Variants in SNTB1 observed in about 807,000 individuals in gnomAD.
SNTB1 encodes syntrophin beta 1, also known as beta-1-syntrophin.
SNTB1 carries 36 observed loss-of-function variants against 48.9 expected under a neutral mutation model. The observed-to-expected ratio is 0.74, with a 90% CI of 0.56 to 0.97. SNTB1 has a LOEUF of 0.97. SNTB1 is among the 50% of genes least tolerant of loss of function. The pLI, the probability that SNTB1 is intolerant of heterozygous loss-of-function variation, is 0.00. For missense variants in SNTB1, 786 were observed against 703.4 expected (o/e 1.12, Z -1.33); for synonymous variants, 299 against 294.6 (o/e 1.01, Z -0.15).
intron 3 of SNTB1, among the ~76,000 whole-genome samples, chr8:120,585,815 C>T (rs748927405): frequency 6.6e-6 from 1 of 152,180 alleles, no homozygotes; most frequent in African/African-American, 2.4e-5. Context: ...ATGTAATATG[C>T]TGTGCAGTTT....
intron 3 of SNTB1, among the ~76,000 whole-genome samples, chr8:120,592,334 C>T (rs1201364719): frequency 6.6e-6 from 1 of 151,908 alleles, no homozygotes; most frequent in Non-Finnish European, 1.5e-5. Flanking sequence ...TGTGTGCCAC[C>T]ACACCAGGAT....
intron 1 of SNTB1, among the ~76,000 whole-genome samples, chr8:120,749,486 C>T (rs1326291367): frequency 1.3e-5 from 2 of 152,056 alleles, no homozygotes; most frequent in African/African-American, 2.4e-5. Context: ...ATATACTCTG[C>T]ATAAACCACT....
In SNTB1 at chr8:120,738,699, GC is replaced by G. The variant is rs1453016359; in HGVS notation, c.572-44792del. On this transcript the variant is annotated intron_variant, in intron 1 of 6. Coordinates refer to ENST00000517992, the MANE Select transcript of SNTB1 (RefSeq NM_021021.4). ...AAAACCTCAAAACAAGTACTTTAAA[GC>G]TGAGAAGAAAATGCACATAAAAGTC... is the stretch of plus-strand genomic sequence containing the variant. Among the ~76,000 whole-genome samples the G allele has an allele frequency of 3.9e-5, 6 of 152,190 alleles. No individual in the cohort carries two copies. The East Asian group carries it at 1.2e-3, about 29-fold the overall frequency.
intron 2 of SNTB1, among the ~76,000 whole-genome samples, chr8:120,634,852 ATT>A (rs11347235): frequency 1.1e-4 from 16 of 139,184 alleles, no homozygotes; most frequent in Admixed American, 7.2e-5. Context: ...ATTAGTATTC[ATT>A]TTTTTTTTTT....
At chr8:120,749,283 T>C (rs895597691) in intron 1 of SNTB1, among the ~76,000 whole-genome samples, 1 of 152,086 alleles carries the variant, frequency 6.6e-6, no homozygotes, top group African/African-American at 2.4e-5. Context: ...TTGCAGGAGG[T>C]AGTAAAAAGG....
chr8:120,643,595 T>G (rs529510159), intron 2 of SNTB1, among the ~76,000 whole-genome samples: 22 of 152,376 alleles, frequency 1.4e-4, no homozygotes, highest in African/African-American at 5.3e-4. Flanking sequence ...AATGCCATTA[T>G]TTTTTCTTTT....
chr8:120,764,851 C>T (rs557646517), intron 1 of SNTB1, among the ~76,000 whole-genome samples: 153 of 152,252 alleles, frequency 1.0e-3, no homozygotes, highest in Non-Finnish European at 2.0e-3. Flanking sequence ...TTTGTTGCCT[C>T]CCTAATATCA....
At chr8:120,568,010 A>G (rs1430811839) in intron 4 of SNTB1, among the ~76,000 whole-genome samples, 1 of 152,232 alleles carries the variant, frequency 6.6e-6, no homozygotes, top group African/African-American at 2.4e-5. Context: ...GGTGCTGTAT[A>G]TGGCTGTATA....
At chr8:120,591,681 C>T (rs1460483348) in intron 3 of SNTB1, among the ~76,000 whole-genome samples, 1 of 152,178 alleles carries the variant, frequency 6.6e-6, no homozygotes. Context: ...CTTTTAGCCT[C>T]ATACTAACCT....
intron 2 of SNTB1, among the ~76,000 whole-genome samples, chr8:120,658,687 T>C (rs1817536540): frequency 6.6e-6 from 1 of 152,136 alleles, no homozygotes; most frequent in Non-Finnish European, 1.5e-5. Context: ...CTTGAGCGAG[T>C]TGTAATCTTT....
chr8:120,661,411 A>C (rs1027000525), intron 2 of SNTB1, among the ~76,000 whole-genome samples: 5 of 152,176 alleles, frequency 3.3e-5, no homozygotes, highest in African/African-American at 1.2e-4. Flanking sequence ...GAGAAGAGAA[A>C]TTATTTGCCC....
At position 120,629,827 on chromosome 8, in the gene SNTB1, C is replaced by T. The variant is rs566077147; in HGVS notation, c.996+2617G>A. ...AATACCCTTAAGGAGACCTCTGGAACGATGATCTGAAATTACACCATAAGA... is the reference window on the plus strand; with the variant it reads ...AATACCCTTAAGGAGACCTCTGGAATGATGATCTGAAATTACACCATAAGA... On this transcript the variant is annotated intron_variant, in intron 3 of 6. Coordinates refer to ENST00000517992, the MANE Select transcript of SNTB1 (RefSeq NM_021021.4). Among the ~76,000 whole-genome samples the T allele has an allele frequency of 1.2e-3, 183 of 152,270 alleles. 1 individual carries two copies. Among genetic ancestry groups the T allele is most frequent in the Middle Eastern group, 3.4e-3 (1 of 294 alleles).
chr8:120,727,572 T>C (rs1818780179), intron 1 of SNTB1, among the ~76,000 whole-genome samples: 1 of 152,196 alleles, frequency 6.6e-6, no homozygotes, highest in Non-Finnish European at 1.5e-5. Flanking sequence ...ATGCTAGCCA[T>C]TGCTTTCAGA....
intron 1 of SNTB1, among the ~76,000 whole-genome samples, chr8:120,761,791 G>C (rs910331860): frequency 6.6e-6 from 1 of 152,122 alleles, no homozygotes; most frequent in Non-Finnish European, 1.5e-5. Flanking sequence ...CAAGTTCTAC[G>C]ATTATAACAT....
intron 2 of SNTB1, 106 bp from the exon 3 acceptor site, chr8:120,632,757 T>C: frequency 1.1e-6 from 1 of 933,656 alleles, no homozygotes; most frequent in Non-Finnish European, 1.6e-6. Flanking sequence ...CTTTTAGACT[T>C]TGTCAGTTTC....
At chr8:120,701,414 C>A (rs1427072266) in intron 1 of SNTB1, among the ~76,000 whole-genome samples, 6 of 152,004 alleles carry the variant, frequency 3.9e-5, no homozygotes, top group Non-Finnish European at 8.8e-5. Flanking sequence ...AGGTCCCTAC[C>A]CTTCAAACAT....
chr8:120,599,242 G>A (rs921661740), intron 3 of SNTB1, among the ~76,000 whole-genome samples: 14 of 152,128 alleles, frequency 9.2e-5, no homozygotes, highest in Non-Finnish European at 1.9e-4. Context: ...ATCAGTGGCC[G>A]TAACAAAATA....
Position 120,811,657 on chromosome 8 carries a change from C to T in SNTB1, c.187G>A (p.Ala63Thr). 1 of 1,593,322 alleles carries T rather than the reference C, an allele frequency of 6.3e-7. No homozygotes were observed. Among genetic ancestry groups the T allele is most frequent in the Non-Finnish European group, 8.5e-7 (1 of 1,173,442 alleles). Residue 63 changes from alanine (A) to threonine (T), a missense_variant, in exon 1 of 7, where the codon GCC becomes ACC. Transcript: ENST00000517992. ...GAAAYNGIGT[A>T]TNGSFCRGAG... ...CCCCTGCAGAACGAGCCATTGGTGG[C>T]GGTCCCGATGCCGTTGTACGCCGCA... is the stretch of plus-strand genomic sequence containing the variant.
chr8:120,598,971 AGGATT>A (rs1816374281), intron 3 of SNTB1, among the ~76,000 whole-genome samples: 1 of 152,180 alleles, frequency 6.6e-6, no homozygotes. Context: ...TAATGCAGGC[AGGATT>A]ATGTCTGCAT....
Sources: allele counts gnomAD v4.1 joint callset (sites outside exome capture counted in the v4.1 genomes callset), GRCh38; gene constraint gnomAD v4.1.1; transcripts MANE v1.5; gene names NCBI Gene and HGNC (gene_info 2026-07-23, HGNC 2026-07-21).